Variants in SLC8A1 observed in about 807,000 individuals in gnomAD.
SLC8A1 encodes the protein solute carrier family 8 member A1.
A neutral mutation model predicts 68.3 loss-of-function variants in SLC8A1; 18 were observed. The observed-to-expected ratio is 0.26, with a 90% CI of 0.18 to 0.39. The LOEUF (loss-of-function observed/expected upper bound fraction) is 0.39, where lower values mean the gene tolerates loss of function less well. Among genes scored for constraint, SLC8A1 ranks in the 10% least tolerant of loss-of-function variants. SLC8A1 has a pLI of 1.00. For synonymous variants in SLC8A1, 475 were observed against 415.5 expected (o/e 1.14, Z -1.74); for missense variants, 985 against 1,156.7 (o/e 0.85, Z 2.15).
intron 2 of SLC8A1, among the ~76,000 whole-genome samples, chr2:40,329,837 C>T (rs973882729): frequency 1.3e-5 from 2 of 152,064 alleles, no homozygotes; most frequent in East Asian, 3.9e-4. Flanking sequence ...CACGCTGTCA[C>T]AGATCCTAGC....
At chr2:40,273,864 C>CT (rs200112318) in intron 2 of SLC8A1, among the ~76,000 whole-genome samples, 3,122 of 136,624 alleles carry the variant, frequency 0.023, 52 homozygotes, top group Middle Eastern at 0.062. Context: ...ATGCCAAGTC[C>CT]TTTTTTTTTT....
chr2:40,422,179 G>A (rs913600451), intron 2 of SLC8A1, among the ~76,000 whole-genome samples: 37 of 152,054 alleles, frequency 2.4e-4, no homozygotes, highest in African/African-American at 8.7e-4. Context: ...ACCTGGCCCA[G>A]AGCCATTTAA....
At chr2:40,271,430 A>G (rs2066014502) in intron 2 of SLC8A1, among the ~76,000 whole-genome samples, 1 of 152,164 alleles carries the variant, frequency 6.6e-6, no homozygotes, top group Non-Finnish European at 1.5e-5. Flanking sequence ...CAGATGAAAT[A>G]CCACCTCCTC....
At chr2:40,393,874 T>C (rs552322510) in intron 2 of SLC8A1, among the ~76,000 whole-genome samples, 20 of 152,256 alleles carry the variant, frequency 1.3e-4, no homozygotes, top group African/African-American at 4.6e-4. Flanking sequence ...GCTTTTATTT[T>C]TATGCCTATT....
At chr2:40,138,581 G>C (rs2040963292) in intron 7 of SLC8A1, among the ~76,000 whole-genome samples, 1 of 152,154 alleles carries the variant, frequency 6.6e-6, no homozygotes, top group African/African-American at 2.4e-5. Flanking sequence ...GTGTGTACCA[G>C]AGTCACTTGT....
chr2:40,254,939 G>C (rs903319551), intron 2 of SLC8A1: 2 of 152,002 alleles, frequency 1.3e-5, no homozygotes, highest in Non-Finnish European at 2.9e-5. Context: ...AACAGTATAG[G>C]ATTGAGCCCT....
intron 1 of SLC8A1, among the ~76,000 whole-genome samples, chr2:40,440,916 AAGTTCTG>A (rs1320680664): frequency 1.3e-5 from 2 of 152,270 alleles, no homozygotes; most frequent in African/African-American, 4.8e-5. Flanking sequence ...ATTGTATTGG[AAGTTCTG>A]GCCAGGGCAT....
chr2:40,118,683 G>T (rs913181654), intron 7 of SLC8A1, among the ~76,000 whole-genome samples: 5 of 141,766 alleles, frequency 3.5e-5, no homozygotes, highest in Non-Finnish European at 7.5e-5. Context: ...AAAGTCTGAG[G>T]CAGGAGAAAG....
intron 7 of SLC8A1, among the ~76,000 whole-genome samples, chr2:40,124,629 TACTA>T (rs199503319): frequency 0.011 from 1,716 of 152,352 alleles, 40 homozygotes; most frequent in African/African-American, 0.039. Flanking sequence ...CTGAAAAGTC[TACTA>T]ACTATTTGGC....
intron 2 of SLC8A1, among the ~76,000 whole-genome samples, chr2:40,320,959 C>A (rs1005765380): frequency 2.0e-5 from 3 of 152,050 alleles, no homozygotes; most frequent in Admixed American, 6.6e-5. Flanking sequence ...CCTGGACTGC[C>A]CACTCTAACC....
chr2:40,156,602 C>G (rs2148421066), intron 6 of SLC8A1, among the ~76,000 whole-genome samples: 1 of 151,848 alleles, frequency 6.6e-6, no homozygotes, highest in East Asian at 1.9e-4. Context: ...TCCCTTTGTT[C>G]TTCAGGGAAT....
At chr2:40,370,693 C>A (rs1250004940) in intron 2 of SLC8A1, among the ~76,000 whole-genome samples, 1 of 151,942 alleles carries the variant, frequency 6.6e-6, no homozygotes, top group Non-Finnish European at 1.5e-5. Flanking sequence ...GCAAAGAAAG[C>A]CTCTACTGTA....
At chr2:40,334,752 C>G (rs1217770728) in intron 2 of SLC8A1, among the ~76,000 whole-genome samples, 1 of 152,058 alleles carries the variant, frequency 6.6e-6, no homozygotes, top group East Asian at 1.9e-4. Flanking sequence ...GCAGGCAATA[C>G]CATAATAGCA....
chr2:40,302,872 C>T (rs2071790807), intron 2 of SLC8A1, among the ~76,000 whole-genome samples: 1 of 152,082 alleles, frequency 6.6e-6, no homozygotes, highest in African/African-American at 2.4e-5. Flanking sequence ...AGAAGTGTTC[C>T]CTTCCAAACC....
chr2:40,464,545 G>A lies in SLC8A1; in HGVS notation c.-24-34241C>T, dbSNP rs539103950. ...TAAAGATTGTAAGAAGGGGAGACTGGCATCTGTTTCCCAATCTTAGCTTCC... is the reference window on the plus strand; with the variant it reads ...TAAAGATTGTAAGAAGGGGAGACTGACATCTGTTTCCCAATCTTAGCTTCC... On this transcript the variant is annotated intron_variant, in intron 1 of 7. Transcript: ENST00000402441. Among the ~76,000 whole-genome samples the A allele has an allele frequency of 7.8e-4, 119 of 152,322 alleles. 1 individual carries two copies. Among genetic ancestry groups the A allele is most frequent in the Non-Finnish European group, 1.2e-3 (83 of 68,032 alleles).
intron 2 of SLC8A1, among the ~76,000 whole-genome samples, chr2:40,378,842 GCTCAATGCCAC>G (rs1162262791): frequency 1.3e-5 from 2 of 152,054 alleles, no homozygotes; most frequent in Non-Finnish European, 2.9e-5. Flanking sequence ...CTGAGGTTGA[GCTCAATGCCAC>G]CTCCTAGAGA....
At chr2:40,435,942 ATTT>A (rs59783278) in intron 1 of SLC8A1, among the ~76,000 whole-genome samples, 3 of 125,410 alleles carry the variant, frequency 2.4e-5, no homozygotes, top group Non-Finnish European at 3.4e-5. Context: ...ATGCTCGGCT[ATTT>A]TTTTTTTTTT....
chr2:40,145,707 C>A (rs1167749201), intron 6 of SLC8A1, among the ~76,000 whole-genome samples: 1 of 152,160 alleles, frequency 6.6e-6, no homozygotes, highest in African/African-American at 2.4e-5. Context: ...TCAATTGATA[C>A]ATTTTTGTTC....
At chr2:40,154,043 G>A (rs1295768616) in intron 6 of SLC8A1, among the ~76,000 whole-genome samples, 3 of 152,170 alleles carry the variant, frequency 2.0e-5, no homozygotes, top group Non-Finnish European at 2.9e-5. Flanking sequence ...TGAGCTGAAA[G>A]CCTACTGGAA....
Sources: allele counts gnomAD v4.1 joint callset (sites outside exome capture counted in the v4.1 genomes callset), GRCh38; gene constraint gnomAD v4.1.1; transcripts MANE v1.5; gene names NCBI Gene and HGNC (gene_info 2026-07-23, HGNC 2026-07-21).